SPRY3: variants seen among roughly 807,000 people sequenced by gnomAD.
SPRY3 encodes the protein sprouty RTK signaling antagonist 3, also known as protein sprouty homolog 3.
Under a neutral mutation model 20.2 loss-of-function variants are expected in SPRY3, and 15 were observed. The ratio of observed to expected loss-of-function variants is 0.74; its 90% CI spans 0.50 to 1.14. The LOEUF is 1.14. Among genes scored for constraint, SPRY3 ranks in the 50% most tolerant of loss-of-function variants. The pLI, the probability that SPRY3 is intolerant of heterozygous loss-of-function variation, is 0.00. For missense variants in SPRY3, 364 were observed against 363.9 expected, an observed-to-expected ratio of 1.00 and a Z score of 0.00; for synonymous variants, 143 against 136.5, an observed-to-expected ratio of 1.05 and a Z score of -0.33.
chrX:155,681,419 A>G (rs1457354218), intron 2 of SPRY3, among the ~76,000 whole-genome samples: 1 of 111,988 alleles, frequency 8.9e-6, no homozygotes, highest in Non-Finnish European at 1.9e-5. Context: ...TAAATTGCCC[A>G]GTCTCAGGTA....
intron 2 of SPRY3, among the ~76,000 whole-genome samples, chrX:155,754,790 T>C (rs1467612602): frequency 6.6e-6 from 1 of 152,056 alleles, no homozygotes; most frequent in Non-Finnish European, 1.5e-5. Flanking sequence ...TGGTTTTCAG[T>C]GTATGTCTTG....
exon 4 of SPRY3, chrX:155,774,545 T>C (rs1732938975): frequency 6.2e-7 from 1 of 1,613,764 alleles, no homozygotes; most frequent in Non-Finnish European, 8.5e-7. Context: ...TGGGCAGCCA[T>C]GAGCCTCATC....
chrX:155,774,482 A>G (rs758381835), exon 4 of SPRY3: 1 of 1,613,948 alleles, frequency 6.2e-7, no homozygotes, highest in Admixed American at 1.7e-5. Context: ...GATGATGAAG[A>G]CAACTGTGCT....
intron 1 of SPRY3, among the ~76,000 whole-genome samples, chrX:155,631,286 A>G (rs2067905664): frequency 8.9e-6 from 1 of 112,402 alleles, no homozygotes; most frequent in South Asian, 3.6e-4. Flanking sequence ...TCATTCTTCA[A>G]TATGGCTGCA....
At chrX:155,723,635 T>G (rs1267017149) in intron 2 of SPRY3, among the ~76,000 whole-genome samples, 1 of 152,166 alleles carries the variant, frequency 6.6e-6, no homozygotes, top group Non-Finnish European at 1.5e-5. Context: ...TTGTTGTTTG[T>G]TTTTTTCTTG....
At chrX:155,650,860 A>G (rs782430234) in intron 1 of SPRY3, among the ~76,000 whole-genome samples, 3 of 112,190 alleles carry the variant, frequency 2.7e-5, no homozygotes, top group Admixed American at 9.4e-5. Flanking sequence ...GCATTCTTCT[A>G]CAGTCACTTA....
intron 2 of SPRY3, among the ~76,000 whole-genome samples, chrX:155,668,351 A>G (rs2068030682): frequency 9.0e-6 from 1 of 110,931 alleles, no homozygotes; most frequent in African/African-American, 3.3e-5. Context: ...ATTTATAGAA[A>G]AGGCAAATCT....
rs771132150 is a variant in SPRY3, at chrX:155,687,474, G to A, written c.-282+30449G>A. On this transcript the variant is annotated intron_variant, in intron 2 of 3. Coordinates refer to ENST00000675360, the Ensembl canonical transcript of SPRY3. ...ACTTTATCAAAAGGGAAATGTATTG[G>A]CTCATGTAACAGAATAGCCCAGGGA... Among the ~76,000 whole-genome samples, 26 of 112,684 alleles carry A rather than the reference G, an allele frequency of 2.3e-4. No homozygotes were observed. The East Asian group carries it at 7.2e-3, about 31-fold the overall frequency.
intron 2 of SPRY3, among the ~76,000 whole-genome samples, chrX:155,700,705 G>A (rs1213727089): frequency 1.5e-5 from 1 of 68,399 alleles, no homozygotes; most frequent in Non-Finnish European, 2.5e-5. Context: ...CTGGTGCGCT[G>A]CACCCACTAA....
At chrX:155,738,765 G>A (rs1035798198) in intron 2 of SPRY3, among the ~76,000 whole-genome samples, 1 of 152,212 alleles carries the variant, frequency 6.6e-6, no homozygotes, top group Non-Finnish European at 1.5e-5. Context: ...TGGGTCTGAA[G>A]CACAGGGCTG....
intron 2 of SPRY3, among the ~76,000 whole-genome samples, chrX:155,728,143 A>G (rs2091111239): frequency 6.6e-6 from 1 of 152,158 alleles, no homozygotes; most frequent in Non-Finnish European, 1.5e-5. Flanking sequence ...AACAGCAAAT[A>G]TTGCAGAACA....
chrX:155,775,897 G>A (rs1161900092), exon 4 of SPRY3: 2 of 167,080 alleles, frequency 1.2e-5, no homozygotes, highest in Non-Finnish European at 2.9e-5. Flanking sequence ...AGAGCTGGAA[G>A]GAATCTTAAC....
At chrX:155,774,316 G>A (rs370392667) in exon 4 of SPRY3, 4 of 1,613,906 alleles carry the variant, frequency 2.5e-6, no homozygotes, top group Non-Finnish European at 2.5e-6. Flanking sequence ...CATCTGTGAG[G>A]AATGTGGGCG....
intron 2 of SPRY3, among the ~76,000 whole-genome samples, chrX:155,718,300 T>C (rs931572905): frequency 3.9e-5 from 6 of 151,948 alleles, no homozygotes; most frequent in African/African-American, 1.2e-4. Context: ...CCAAGAAAAA[T>C]CTTGACAAAA....
At chrX:155,763,863 C>T (rs1383655212) in intron 2 of SPRY3, among the ~76,000 whole-genome samples, 1 of 152,184 alleles carries the variant, frequency 6.6e-6, no homozygotes, top group Non-Finnish European at 1.5e-5. Flanking sequence ...ACTCTCCCTT[C>T]TTTCAATATG....
intron 3 of SPRY3, among the ~76,000 whole-genome samples, chrX:155,771,407 T>G (rs186375990): frequency 6.6e-6 from 1 of 152,296 alleles, no homozygotes; most frequent in East Asian, 1.9e-4. Context: ...CCTGTAACTT[T>G]GAGACCTTGT....
At chrX:155,764,965 T>C (rs1183707071) in intron 2 of SPRY3, among the ~76,000 whole-genome samples, 1 of 151,942 alleles carries the variant, frequency 6.6e-6, no homozygotes, top group African/African-American at 2.4e-5. Flanking sequence ...TCTGGGGGAG[T>C]CCGACTTCCT....
intron 2 of SPRY3, among the ~76,000 whole-genome samples, chrX:155,687,478 A>G (rs2068090829): frequency 8.9e-6 from 1 of 112,879 alleles, no homozygotes; most frequent in African/African-American, 3.2e-5. Flanking sequence ...GTATTGGCTC[A>G]TGTAACAGAA....
chrX:155,688,184 C>G (rs1209184302), intron 2 of SPRY3, among the ~76,000 whole-genome samples: 4 of 109,921 alleles, frequency 3.6e-5, no homozygotes, highest in African/African-American at 1.3e-4. Context: ...TGGCTTCCCA[C>G]TCCATTCGTG....
Sources: allele counts gnomAD v4.1 joint callset (sites outside exome capture counted in the v4.1 genomes callset), GRCh38; gene constraint gnomAD v4.1.1; transcripts MANE v1.5; gene names NCBI Gene and HGNC (gene_info 2026-07-23, HGNC 2026-07-21).